Variants in ADAM20 observed in about 807,000 individuals in gnomAD.
ADAM20 encodes the protein disintegrin and metalloproteinase domain-containing protein 20.
For synonymous variants in ADAM20, 305 were observed against 310.2 expected, an observed-to-expected ratio of 0.98 and a Z score of 0.18; for missense variants, 871 against 883.2, an observed-to-expected ratio of 0.99 and a Z score of 0.18.
the ADAM20 span, among the ~76,000 whole-genome samples, chr14:70,574,650 A>AT: frequency 6.6e-6 from 1 of 151,478 alleles, no homozygotes; most frequent in East Asian, 1.9e-4. Context: ...AAAAAAAAAA[A>AT]GAAAGAAAGA....
chr14:70,535,161 GA>G (rs1158230607), upstream of ADAM20: 1 of 152,180 alleles, frequency 6.6e-6, no homozygotes, highest in Non-Finnish European at 1.5e-5. Context: ...ACTGAGAGGT[GA>G]AATAGCTATA....
the ADAM20 span, among the ~76,000 whole-genome samples, chr14:70,561,269 G>C: frequency 3.9e-5 from 6 of 152,184 alleles, no homozygotes; most frequent in Admixed American, 3.9e-4. Context: ...ATGATTTGGG[G>C]TATCTGGTGG....
At chr14:70,545,111 G>A in the ADAM20 span, among the ~76,000 whole-genome samples, 2 of 152,158 alleles carry the variant, frequency 1.3e-5, no homozygotes, top group African/African-American at 4.8e-5. Flanking sequence ...TTTGGGTGGA[G>A]CAAGATGGCT....
upstream of ADAM20, among the ~76,000 whole-genome samples, chr14:70,539,095 T>C (rs1040708204): frequency 6.7e-6 from 1 of 149,826 alleles, no homozygotes; most frequent in Non-Finnish European, 1.5e-5. Flanking sequence ...CAGTGCATGA[T>C]GTGCTTCCCC....
chr14:70,535,285 G>T (rs1192748739), upstream of ADAM20, among the ~76,000 whole-genome samples: 7 of 152,128 alleles, frequency 4.6e-5, no homozygotes, highest in East Asian at 1.3e-3. Context: ...GGACCTAAAA[G>T]AATCTCTCCT....
chr14:70,545,468 C>T, the ADAM20 span, among the ~76,000 whole-genome samples: 1 of 151,938 alleles, frequency 6.6e-6, no homozygotes, highest in Non-Finnish European at 1.5e-5. Flanking sequence ...CTGCTGCCTA[C>T]AAGAAATGTA....
chr14:70,538,896 C>T (rs960414721), upstream of ADAM20, among the ~76,000 whole-genome samples: 1 of 152,188 alleles, frequency 6.6e-6, no homozygotes, highest in Non-Finnish European at 1.5e-5. Context: ...CTCCCGGGTT[C>T]AAGTGATTCT....
At chr14:70,569,885 C>CAAAAAAAAAAAA in the ADAM20 span, among the ~76,000 whole-genome samples, 4 of 76,182 alleles carry the variant, frequency 5.3e-5, no homozygotes, top group Non-Finnish European at 8.1e-5. Flanking sequence ...AGAAAACTAA[C>CAAAAAAAAAAAA]AAAAAAAAAA....
the ADAM20 span, among the ~76,000 whole-genome samples, chr14:70,563,482 C>T: frequency 6.6e-6 from 1 of 152,118 alleles, no homozygotes; most frequent in African/African-American, 2.4e-5. Flanking sequence ...TTGTTCTACG[C>T]AAGAACAAAG....
At chr14:70,532,652 G>A (rs1196743438) in intron 1 of ADAM20, among the ~76,000 whole-genome samples, 2 of 152,168 alleles carry the variant, frequency 1.3e-5, no homozygotes, top group Non-Finnish European at 2.9e-5. Flanking sequence ...CATCAAGGAT[G>A]GAGGAGTGAG....
At chr14:70,532,422 C>A (rs1218622013) in intron 1 of ADAM20, among the ~76,000 whole-genome samples, 1 of 152,042 alleles carries the variant, frequency 6.6e-6, no homozygotes, top group Non-Finnish European at 1.5e-5. Flanking sequence ...GCAATGATTT[C>A]TTGGGCATGA....
At chr14:70,544,026 C>G in the ADAM20 span, among the ~76,000 whole-genome samples, 5 of 152,068 alleles carry the variant, frequency 3.3e-5, no homozygotes, top group Admixed American at 6.5e-5. Context: ...AAGATAAACC[C>G]CTCTCCAACC....
chr14:70,577,166 T>C, the ADAM20 span, among the ~76,000 whole-genome samples: 1 of 152,078 alleles, frequency 6.6e-6, no homozygotes, highest in African/African-American at 2.4e-5. Flanking sequence ...AAAAAAGAAC[T>C]TACAGGAAAG....
chr14:70,573,277 G>A, the ADAM20 span, among the ~76,000 whole-genome samples: 1 of 152,084 alleles, frequency 6.6e-6, no homozygotes, highest in Non-Finnish European at 1.5e-5. Flanking sequence ...TGTGTCCTTT[G>A]GAGCAACATG....
At chr14:70,573,977 A>G in the ADAM20 span, among the ~76,000 whole-genome samples, 1 of 152,356 alleles carries the variant, frequency 6.6e-6, no homozygotes, top group East Asian at 1.9e-4. Flanking sequence ...CAGAAAATCA[A>G]TAAAGAAACA....
the ADAM20 span, among the ~76,000 whole-genome samples, chr14:70,568,875 C>T: frequency 6.6e-6 from 1 of 151,896 alleles, no homozygotes; most frequent in Non-Finnish European, 1.5e-5. Flanking sequence ...AATTGGAAAA[C>T]ATATTTGAGG....
intron 1 of ADAM20, among the ~76,000 whole-genome samples, chr14:70,526,882 C>A (rs1883601765): frequency 6.6e-6 from 1 of 152,154 alleles, no homozygotes; most frequent in Admixed American, 6.6e-5. Flanking sequence ...ACAGTCACAG[C>A]CTAATTTTGT....
chr14:70,575,658 T>A, the ADAM20 span, among the ~76,000 whole-genome samples: 3 of 152,188 alleles, frequency 2.0e-5, no homozygotes, highest in African/African-American at 7.2e-5. Context: ...CTAAAAAATA[T>A]GCATATTATT....
chr14:70,558,751 A>G, the ADAM20 span, among the ~76,000 whole-genome samples: 1 of 152,208 alleles, frequency 6.6e-6, no homozygotes, highest in Non-Finnish European at 1.5e-5. Context: ...AAAGGGAAAA[A>G]CATTTGCCAA....
Sources: allele counts gnomAD v4.1 joint callset (sites outside exome capture counted in the v4.1 genomes callset), GRCh38; gene constraint gnomAD v4.1.1; transcripts MANE v1.5; gene names NCBI Gene and HGNC (gene_info 2026-07-23, HGNC 2026-07-21).